The following TEP1 variants were observed in gnomAD, a reference collection of about 807,000 sequenced individuals.
TEP1 encodes telomerase protein component 1.
TEP1 carries 241 observed loss-of-function variants against 306.3 expected under a neutral mutation model. The ratio of observed to expected loss-of-function variants is 0.79; its 90% CI spans 0.71 to 0.88. The LOEUF (loss-of-function observed/expected upper bound fraction) is 0.88, where lower values mean the gene tolerates loss of function less well. Ranked by LOEUF, TEP1 falls within the 40% of genes least tolerant of loss-of-function variation. The pLI is 0.00. For synonymous variants in TEP1, 1,289 were observed against 1,305.5 expected, an observed-to-expected ratio of 0.99 and a Z score of 0.27; for missense variants, 3,051 against 3,276.1, an observed-to-expected ratio of 0.93 and a Z score of 1.68.
At chr14:20,389,326 A>G (rs1324456043) in intron 16 of TEP1, 29 bp from the exon 17 acceptor site, 2 of 1,611,316 alleles carry the variant, frequency 1.2e-6, no homozygotes, top group East Asian at 2.2e-5. Flanking sequence ...GTCATTAACC[A>G]TCACAAACAA....
intron 12 of TEP1, among the ~76,000 whole-genome samples, chr14:20,394,911 A>G (rs2945461): frequency 0.15 from 23,521 of 152,092 alleles, 2,404 homozygotes; most frequent in East Asian, 0.32. Flanking sequence ...TAAGTGTAAG[A>G]TACTGATGAA....
chr14:20,370,063 G>A lies in TEP1; in HGVS notation c.7318-284C>T, dbSNP rs776788151. 5.9e-5 allele frequency among the ~76,000 whole-genome samples: 9 copies of A among 152,122 alleles called. No homozygotes were observed. In the South Asian group the frequency reaches 6.2e-4, roughly 10 times the overall value. ...CAAGTAGCTGGGAACACCGGCGTGCGCCACCACACCCAGCTGATTTTTTTA... is the reference window on the plus strand; with the variant it reads ...CAAGTAGCTGGGAACACCGGCGTGCACCACCACACCCAGCTGATTTTTTTA... On this transcript the variant is annotated intron_variant, in intron 51 of 54. Transcript: ENST00000262715.
chr14:20,368,320 A>G lies in TEP1; in HGVS notation c.*117T>C. 1 of 1,275,680 alleles carries G rather than the reference A, an allele frequency of 7.8e-7. No homozygotes were observed. 79.0% of individuals were successfully genotyped at this position (1,275,680 alleles called of 1,614,324 possible). ...AGGCCTACACTTGAGATTTTTTGAC[A>G]CTTCATTTTTATAATTATCAAGAAA... On this transcript the variant is annotated 3_prime_UTR_variant, in exon 55 of 55. Transcript: ENST00000262715.
intron 1 of TEP1, among the ~76,000 whole-genome samples, chr14:20,409,843 A>T (rs1268966443): frequency 1.3e-5 from 2 of 151,794 alleles, no homozygotes; most frequent in Admixed American, 6.6e-5. Context: ...ACACAGTGAA[A>T]CCCCATCTCT....
intron 28 of TEP1, 117 bp from the exon 29 acceptor site, chr14:20,382,473 A>C: frequency 6.5e-7 from 1 of 1,532,414 alleles, no homozygotes; most frequent in Non-Finnish European, 8.9e-7. Context: ...GTAAAGAACA[A>C]CAGTAGGAGG....
Position 20,369,718 on chromosome 14 carries a change from G to A in TEP1, c.7379C>T (p.Pro2460Leu), listed in dbSNP as rs747944020. Reference protein sequence around the residue: ...RLNFDINLENPSRTLISITQA... With the variant: ...RLNFDINLENLSRTLISITQA... ...AGTTATCGATATTAGGGTCCTACTAGGATTCTCTAAGTTTATATCAAAGTT... is the reference window on the plus strand; with the variant it reads ...AGTTATCGATATTAGGGTCCTACTAAGATTCTCTAAGTTTATATCAAAGTT... The change falls in exon 52 of 55, where the codon CCT becomes CTT. Residue 2460 changes from proline to leucine, a missense_variant. By Grantham distance (98) the Pro-to-Leu change is moderately conservative. Around this residue, in one of 3 missense-constraint regions of TEP1, gnomAD observed 1,540 missense variants for 1,705.9 expected, o/e 0.90. Coordinates refer to ENST00000262715, the MANE Select transcript of TEP1 (RefSeq NM_007110.5). 5 of 1,614,078 alleles carry A rather than the reference G, an allele frequency of 3.1e-6. No homozygotes were observed. Among genetic ancestry groups the A allele is most frequent in the Non-Finnish European group, 3.4e-6 (4 of 1,180,006 alleles).
rs548742700 is a variant in TEP1, at chr14:20,401,479, C to T, written c.1369G>A (p.Val457Ile). 3.7e-6 allele frequency: 6 copies of T among 1,614,184 alleles called. No homozygotes were observed. Among genetic ancestry groups the T allele is most frequent in the South Asian group, 2.2e-5 (2 of 91,080 alleles). The stretch of plus-strand genomic sequence containing the variant: ...CACCTGTAACCCAGCAGGGCTTGAA[C>T]GTGCTGGGCAGGCTTGTGGATGTGC... ...RLHIHKPAQH[V>I]QALLGYRYPS... Residue 457 changes from valine (V) to isoleucine (I), a missense_variant, in exon 8 of 55, where the codon GTT becomes ATT. This residue lies in a region of TEP1 where 1,507 missense variants were observed against 1,550.5 expected (regional missense o/e 0.97). Coordinates refer to ENST00000262715, the MANE Select transcript of TEP1 (RefSeq NM_007110.5).
intron 9 of TEP1, among the ~76,000 whole-genome samples, chr14:20,397,862 T>C (rs908090822): frequency 6.6e-6 from 1 of 152,034 alleles, no homozygotes; most frequent in Non-Finnish European, 1.5e-5. Context: ...CAAGCAATTC[T>C]CCTGCCTCAG....
intron 16 of TEP1, 85 bp downstream of exon 16, chr14:20,389,525 G>C: frequency 6.4e-7 from 1 of 1,568,140 alleles, no homozygotes; most frequent in East Asian, 2.3e-5. Flanking sequence ...CTGCCAAGTG[G>C]GAGTGTCCTA....
chr14:20,381,414 A>T lies in TEP1; in HGVS notation c.4559-13T>A, dbSNP rs1331516252. On this transcript the variant is annotated splice_polypyrimidine_tract_variant and intron_variant, in intron 31 of 54. Transcript: ENST00000262715. This position sits in a 1 kb window ranked among gnomAD's most constrained non-coding sequence, Gnocchi z 4.0. ...TTCCAGAGCTGAGCTGCATGAACAG[A>T]TATTGAGAAAGGCTCAGCCCTGCAT... 2.5e-6 allele frequency: 4 copies of T among 1,614,000 alleles called. No homozygotes were observed. The highest frequency in any genetic ancestry group is 3.4e-6 in the Non-Finnish European group (4 of 1,180,018).
Position 20,373,064 on chromosome 14 carries a change from G to T in TEP1, c.6898C>A (p.Gln2300Lys). The T allele has an allele frequency of 6.2e-7, 1 of 1,614,214 alleles. No individual in the cohort carries two copies. Among genetic ancestry groups the T allele is most frequent in the African/African-American group, 1.3e-5 (1 of 75,058 alleles). Residue 2300 changes from glutamine to lysine, a missense_variant, in exon 48 of 55, where the codon CAA becomes AAA. Transcript: ENST00000262715. ...PDGSMAVSGN[Q>K]AGELILWQEA... is the part of the protein sequence containing the mutation. ...TGCCACAAGATTAGTTCCCCAGCTT[G>T]ATTTCCAGATACTGCCATGGAACCA...
In TEP1 at chr14:20,375,834, GT is replaced by G. The variant is rs1455404098; in HGVS notation, c.6283del (p.Thr2095ProfsTer4). The G allele has an allele frequency of 6.2e-7, 1 of 1,613,658 alleles. No homozygotes were observed. On this transcript the variant is annotated frameshift_variant, in exon 43 of 55. Coordinates refer to ENST00000262715, the MANE Select transcript of TEP1 (RefSeq NM_007110.5). LOFTEE classifies it high-confidence loss of function. ...LLCWDVRTPK[T>X]PVLIHSFPAC... ...AGGGAAGGAGTGGATCAAAACAGGG[GT>G]TTTGGGTGTCCTCACGTCCCAGCAG...
chr14:20,392,734 A>G (rs1877824632), intron 12 of TEP1, among the ~76,000 whole-genome samples: 1 of 152,248 alleles, frequency 6.6e-6, no homozygotes, highest in African/African-American at 2.4e-5. Flanking sequence ...TGGACTAAAT[A>G]ACAGATGATT....
At position 20,373,775 on chromosome 14, in the gene TEP1, G is replaced by A. The variant is rs377447556; in HGVS notation, c.6507C>T (p.Thr2169=). The change falls in exon 45 of 55, where the codon ACC becomes ACT. Residue 2169 remains threonine (T), a synonymous_variant. Transcript: ENST00000262715. ...CGCCTTGATGGTCCCACACTTTCAAGGTCCCATCCCGGCTCACAGACACCA... is the reference window on the plus strand; with the variant it reads ...CGCCTTGATGGTCCCACACTTTCAAAGTCCCATCCCGGCTCACAGACACCA... ...EHVVSVSRDG[T]LKVWDHQGVE... The A allele has an allele frequency of 1.3e-5, 21 of 1,613,854 alleles. No homozygotes were observed. The highest frequency in any genetic ancestry group is 1.7e-4 in the Middle Eastern group (1 of 5,802).
chr14:20,408,680 A>G lies in TEP1; in HGVS notation c.-24-217T>C, dbSNP rs145421229. Among the ~76,000 whole-genome samples the G allele has an allele frequency of 3.6e-3, 551 of 152,308 alleles. 4 individuals carry two copies. The highest frequency in any genetic ancestry group is 0.013 in the African/African-American group (523 of 41,568). Reference sequence around the variant, plus strand: ...CAGAGGCTTAAGAGCAGAGAAATTAAGAAAAGGCCAGGTGCAGTGGCTCAT... The same window carrying G: ...CAGAGGCTTAAGAGCAGAGAAATTAGGAAAAGGCCAGGTGCAGTGGCTCAT... On this transcript the variant is annotated intron_variant, in intron 1 of 54. Transcript: ENST00000262715.
intron 9 of TEP1, among the ~76,000 whole-genome samples, chr14:20,400,362 A>C (rs1878574313): frequency 6.6e-6 from 1 of 151,558 alleles, no homozygotes; most frequent in Non-Finnish European, 1.5e-5. Flanking sequence ...AAGGTAGGAG[A>C]AATGCTTGAG....
intron 3 of TEP1, 67 bp from the exon 4 acceptor site, chr14:20,405,652 A>G: frequency 6.4e-7 from 1 of 1,565,290 alleles, no homozygotes; most frequent in Non-Finnish European, 8.7e-7. Flanking sequence ...GCATCCATGC[A>G]GACTAACTTA....
In TEP1 at chr14:20,403,034, G is replaced by A. The variant is rs561153518; in HGVS notation, c.1266+343C>T. Among the ~76,000 whole-genome samples the A allele has an allele frequency of 3.3e-5, 5 of 152,088 alleles. No individual in the cohort carries two copies. In the South Asian group the frequency reaches 8.3e-4, roughly 25 times the overall value. On this transcript the variant is annotated intron_variant, in intron 7 of 54. Coordinates refer to ENST00000262715, the MANE Select transcript of TEP1 (RefSeq NM_007110.5). ...TAGCCAAGCGTGGTGGCACACGCCT[G>A]TAGTCCCAGCTATTCAGGAGGCTGA...
chr14:20,382,497 G>T, intron 28 of TEP1, 126 bp downstream of exon 28: 3 of 1,524,312 alleles, frequency 2.0e-6, no homozygotes, highest in Non-Finnish European at 1.8e-6. Context: ...GTGAGGCGAG[G>T]TATGAGGCGA....
Sources: allele counts gnomAD v4.1 joint callset (sites outside exome capture counted in the v4.1 genomes callset), GRCh38; gene constraint gnomAD v4.1.1; regional missense constraint gnomAD v4.1.1; non-coding constraint Gnocchi (gnomAD v3.1); transcripts MANE v1.5; gene names NCBI Gene and HGNC (gene_info 2026-07-23, HGNC 2026-07-21).